MYH4: variants seen among roughly 807,000 people sequenced by gnomAD.
The protein encoded by MYH4 is myosin-4.
MYH4 carries 200 observed loss-of-function variants against 229.9 expected under a neutral mutation model. That is an observed-to-expected ratio of 0.87 (90% confidence interval 0.78 to 0.98). The LOEUF (loss-of-function observed/expected upper bound fraction) is 0.98. Ranked by LOEUF, MYH4 falls within the 50% of genes least tolerant of loss-of-function variation. MYH4 has a pLI of 0.00. For missense variants in MYH4, 2,148 were observed against 2,332.6 expected, an observed-to-expected ratio of 0.92 and a Z score of 1.63; for synonymous variants, 761 against 834.6, an observed-to-expected ratio of 0.91 and a Z score of 1.52.
chr17:10,453,552 T>C, intron 23 of MYH4, 91 bp downstream of exon 23: 1 of 1,590,320 alleles, frequency 6.3e-7, no homozygotes, highest in East Asian at 2.3e-5. Flanking sequence ...TGGTATTTTT[T>C]ATATTCAATC....
At chr17:10,455,483 C>A in intron 19 of MYH4, 131 bp downstream of exon 19, 1 of 1,369,052 alleles carries the variant, frequency 7.3e-7, no homozygotes, top group South Asian at 1.4e-5. Flanking sequence ...TAAACCTAAG[C>A]TTCTTTCTTT....
chr17:10,467,979 T>C (rs534549572), intron 2 of MYH4, among the ~76,000 whole-genome samples: 31 of 152,298 alleles, frequency 2.0e-4, no homozygotes, highest in African/African-American at 6.7e-4. Context: ...TCTTGATCTT[T>C]TGTCATCAGC....
At chr17:10,464,410 G>T in intron 7 of MYH4, 62 bp downstream of exon 7, 3 of 1,353,914 alleles carry the variant, frequency 2.2e-6, no homozygotes, top group Non-Finnish European at 3.1e-6. Context: ...GTCTACTGTT[G>T]ATGTGCACGT....
chr17:10,468,168 A>G (rs1460974010), intron 2 of MYH4, among the ~76,000 whole-genome samples: 1 of 152,178 alleles, frequency 6.6e-6, no homozygotes, highest in Non-Finnish European at 1.5e-5. Flanking sequence ...AATGTTATTT[A>G]TATTACATTA....
intron 35 of MYH4, 131 bp from the exon 36 acceptor site, chr17:10,445,493 AT>A (rs1567697744): frequency 2.4e-6 from 3 of 1,229,576 alleles, no homozygotes; most frequent in East Asian, 2.4e-5. Context: ...AAATTAGAAG[AT>A]AATTCTAAGT....
chr17:10,451,457 G>T lies in MYH4; in HGVS notation c.3739-5C>A. The T allele has an allele frequency of 6.2e-7, 1 of 1,612,544 alleles. No homozygotes were observed. On this transcript the variant is annotated splice_region_variant and splice_polypyrimidine_tract_variant and intron_variant, in intron 27 of 39. Transcript: ENST00000255381. ...GCACATTTTCTCAAAGTTTGCCTGG[G>T]GTGAGAGGTAGAAAACAGGAAGAGA...
Position 10,453,293 on chromosome 17 carries a change from A to C in MYH4, c.2970T>G (p.Asp990Glu), listed in dbSNP as rs769048292. 15 of 1,613,862 alleles carry C rather than the reference A, an allele frequency of 9.3e-6. No homozygotes were observed. In the South Asian group the frequency reaches 1.3e-4, roughly 14 times the overall value. The change falls in exon 24 of 40, where the codon GAT (aspartate) becomes GAG (glutamate). Residue 990 changes from aspartate (D) to glutamate (E), a missense_variant. Transcript: ENST00000255381. ...CCTTGGTCAGCTTAGCAATGGTTTC[A>C]TCCAGACCTGCCATCTCTTCTGTGA... ...KNLTEEMAGLDETIAKLTKEK... is the reference protein window; with the variant it reads ...KNLTEEMAGLEETIAKLTKEK...
At chr17:10,452,630 A>T (rs1158105998) in intron 25 of MYH4, 124 bp from the exon 26 acceptor site, 4 of 1,223,706 alleles carry the variant, frequency 3.3e-6, no homozygotes, top group Non-Finnish European at 3.4e-6. Flanking sequence ...TGTTTTACAG[A>T]TTAATAATTG....
intron 17 of MYH4, 38 bp downstream of exon 17, chr17:10,456,447 A>G (rs751052007): frequency 1.6e-5 from 25 of 1,522,128 alleles, no homozygotes; most frequent in Middle Eastern, 3.5e-4. Context: ...TAGTTTTTTA[A>G]TGAAAGTATT....
rs946233828 is a variant in MYH4 at position 10,448,068 on chromosome 17, A to G, written c.4715T>C (p.Val1572Ala). Residue 1572 changes from valine (V) to alanine (A), a missense_variant, in exon 34 of 40, where the codon GTG becomes GCG. Transcript: ENST00000255381. ...AATTTTTCGGTCAATCTCAGATTTCACCTGATTTAGCTCAAGTTGAATGCG... is the reference window on the plus strand; with the variant it reads ...AATTTTTCGGTCAATCTCAGATTTCGCCTGATTTAGCTCAAGTTGAATGCG... ...ILRIQLELNQVKSEIDRKIAE... is the reference protein window; with the variant it reads ...ILRIQLELNQAKSEIDRKIAE... 6.2e-7 allele frequency: 1 copy of G among 1,614,030 alleles called. No individual in the cohort carries two copies. Among genetic ancestry groups the G allele is most frequent in the South Asian group, 1.1e-5 (1 of 91,074 alleles).
At chr17:10,449,330 G>A (rs2072547461) in intron 30 of MYH4, among the ~76,000 whole-genome samples, 1 of 152,196 alleles carries the variant, frequency 6.6e-6, no homozygotes. Context: ...AGTGAGCAAT[G>A]TGAAAATTTG....
In MYH4 at chr17:10,452,949, TTTTA is replaced by T; in HGVS notation, c.3112-21_3112-18del. On this transcript the variant is annotated intron_variant, in intron 24 of 39. Coordinates refer to ENST00000255381, the MANE Select transcript of MYH4 (RefSeq NM_017533.2). Reference sequence around the variant, plus strand: ...TCCTTCAAGCTAAATTTATGATGCATTTTATTTATTTCAGCTCTTAAGCACTGAA... The same window carrying T: ...TCCTTCAAGCTAAATTTATGATGCATTTTATTTCAGCTCTTAAGCACTGAA... 6.3e-7 allele frequency: 1 copy of T among 1,599,612 alleles called. No individual in the cohort carries two copies. The highest frequency in any genetic ancestry group is 1.2e-5 in the South Asian group (1 of 86,612).
chr17:10,452,143 C>A lies in MYH4; in HGVS notation c.3536G>T (p.Arg1179Leu), dbSNP rs752287908. The change falls in exon 27 of 40, where the codon CGC becomes CTC. Residue 1179 changes from arginine to leucine, a missense_variant. Transcript: ENST00000255381. ...KKREAEFQKM[R>L]RDLEESTLQH... is the part of the protein sequence containing the mutation. The stretch of plus-strand genomic sequence containing the variant: ...CAGGGTGGACTCTTCCAGGTCCCTG[C>A]GCATTTTCTGGAACTCAGCCTCCCG... 3.1e-6 allele frequency: 5 copies of A among 1,614,034 alleles called. No homozygotes were observed. The highest frequency in any genetic ancestry group is 4.2e-6 in the Non-Finnish European group (5 of 1,180,006).
chr17:10,452,922 G>A lies in MYH4; in HGVS notation c.3122C>T (p.Ser1041Phe). The stretch of plus-strand genomic sequence containing the variant: ...GCAAAGTTTCTTTTCTTGTTCCAGA[G>A]ATCCTTCAAGCTAAATTTATGATGC... ...LEQQVDDLEGSLEQEKKLCMD... is the reference protein window; with the variant it reads ...LEQQVDDLEGFLEQEKKLCMD... Residue 1041 changes from serine (S) to phenylalanine (F), a missense_variant, in exon 25 of 40, where the codon TCT becomes TTT. Physicochemically the swap from Ser to Phe is radical, Grantham distance 155 (BLOSUM62 -2). Transcript: ENST00000255381. 1 of 1,603,800 alleles carries A rather than the reference G, an allele frequency of 6.2e-7. No individual in the cohort carries two copies. The highest frequency in any genetic ancestry group is 8.5e-7 in the Non-Finnish European group (1 of 1,178,054).
chr17:10,448,678 C>T lies in MYH4; in HGVS notation c.4471G>A (p.Ala1491Thr), dbSNP rs757143133. The T allele has an allele frequency of 6.2e-7, 1 of 1,614,130 alleles. No individual in the cohort carries two copies. Among genetic ancestry groups the T allele is most frequent in the Non-Finnish European group, 8.5e-7 (1 of 1,180,004 alleles). ...LSTELFKVKN[A>T]YEESLDHLET... ...AGATGATCCAGGGATTCCTCGTAGGCATTCTTCACCTTGAACAGCTCAGTG... is the reference window on the plus strand; with the variant it reads ...AGATGATCCAGGGATTCCTCGTAGGTATTCTTCACCTTGAACAGCTCAGTG... The change falls in exon 32 of 40, where the codon GCC becomes ACC. Residue 1491 changes from alanine (A) to threonine (T), a missense_variant. Coordinates refer to ENST00000255381, the MANE Select transcript of MYH4 (RefSeq NM_017533.2).
In MYH4 at chr17:10,464,738, A is replaced by G. The variant is rs530545671; in HGVS notation, c.506-30T>C. ...AAAAGAGAAGCCAAAGATAATATTT[A>G]GAAAAACACACTTAACACATAGGTC... On this transcript the variant is annotated intron_variant, in intron 5 of 39. Coordinates refer to ENST00000255381, the MANE Select transcript of MYH4 (RefSeq NM_017533.2). 13 of 1,607,050 alleles carry G rather than the reference A, an allele frequency of 8.1e-6. No individual in the cohort carries two copies. The Admixed American group carries it at 2.2e-4, about 27-fold the overall frequency.
At chr17:10,444,564 G>A (rs538733416) in intron 39 of MYH4, 40 bp downstream of exon 39, 5 of 1,524,054 alleles carry the variant, frequency 3.3e-6, no homozygotes, top group Non-Finnish European at 2.7e-6. Context: ...AAACCTGGAT[G>A]TGCATCTGAA....
At chr17:10,451,153 T>A (rs574984087) in intron 28 of MYH4, among the ~76,000 whole-genome samples, 173 bp downstream of exon 28, 7 of 152,186 alleles carry the variant, frequency 4.6e-5, no homozygotes, top group African/African-American at 1.7e-4. Context: ...TTTTCCCCAA[T>A]TGTCGCTTAG....
chr17:10,443,399 G>A lies in MYH4; in HGVS notation c.5796C>T (p.His1932=), dbSNP rs959519499. The change falls in exon 40 of 40, where the codon CAC becomes CAT. Residue 1932 remains histidine, a synonymous_variant. Coordinates refer to ENST00000255381, the MANE Select transcript of MYH4 (RefSeq NM_017533.2). The surrounding 1 kb of genome is among the most constrained non-coding windows in gnomAD (Gnocchi z 4.6). ...ATTACTCTTCACTTATGACTTTTGT[G>A]TGAACCTCCCGACTCTTCACTCTCA... ...NKLRVKSREV[H]TKVISEE is the part of the protein sequence containing the mutation. The A allele has an allele frequency of 6.2e-7, 1 of 1,613,950 alleles. No individual in the cohort carries two copies. The highest frequency in any genetic ancestry group is 1.7e-5 in the Admixed American group (1 of 59,972).
Sources: allele counts gnomAD v4.1 joint callset (sites outside exome capture counted in the v4.1 genomes callset), GRCh38; gene constraint gnomAD v4.1.1; non-coding constraint Gnocchi (gnomAD v3.1); transcripts MANE v1.5; gene names NCBI Gene and HGNC (gene_info 2026-07-23, HGNC 2026-07-21).